MYH2: variants seen among roughly 807,000 people sequenced by gnomAD.
The protein encoded by MYH2 is myosin-2.
A neutral mutation model predicts 228.1 loss-of-function variants in MYH2; 139 were observed. That is an observed-to-expected ratio of 0.61 (90% CI 0.53 to 0.70). MYH2 has a LOEUF of 0.70. Among genes scored for constraint, MYH2 ranks in the 30% least tolerant of loss-of-function variants. The probability of loss-of-function intolerance (pLI) is 0.00; values close to 1 mark genes in which losing one functional copy is unlikely to be tolerated. For missense variants in MYH2, 1,809 were observed against 2,357.5 expected (o/e 0.77, Z 4.82); for synonymous variants, 796 against 871.1 (o/e 0.91, Z 1.52).
At chr17:10,549,533 ACGTG>A (rs1408690877) in intron 1 of MYH2, 99 bp downstream of exon 1, 1 of 152,258 alleles carries the variant, frequency 6.6e-6, no homozygotes, top group African/African-American at 2.4e-5. Flanking sequence ...TAGAGGTAAA[ACGTG>A]CAGTTCCAGA....
intron 17 of MYH2, 94 bp from the exon 18 acceptor site, chr17:10,535,459 G>T (rs2073472655): frequency 4.7e-6 from 5 of 1,065,592 alleles, no homozygotes; most frequent in African/African-American, 1.6e-5. Context: ...TAGCTGAGTT[G>T]AATGACCAGT....
At chr17:10,544,166 A>C (rs746452548) in intron 5 of MYH2, 39 bp from the exon 6 acceptor site, 6 of 1,602,832 alleles carry the variant, frequency 3.7e-6, no homozygotes, top group Non-Finnish European at 5.1e-6. Context: ...CTGTTTTCTT[A>C]CATATTTGTA....
chr17:10,521,462 T>C (rs764156271), intron 39 of MYH2, 30 bp from the exon 40 acceptor site: 2 of 1,610,738 alleles, frequency 1.2e-6, no homozygotes, highest in South Asian at 2.2e-5. Flanking sequence ...TGTAAGGAAC[T>C]CATACTTGCA....
At position 10,529,645 on chromosome 17, in the gene MYH2, G is replaced by C. The variant is rs775297978; in HGVS notation, c.3036C>G (p.Thr1012=). The C allele has an allele frequency of 1.9e-6, 3 of 1,613,950 alleles. No homozygotes were observed. The highest frequency in any genetic ancestry group is 3.3e-4 in the Middle Eastern group (2 of 6,062). The part of the protein sequence containing the change: ...KKALQEAHQQ[T]LDDLQAEEDK... ...CCTCCTCTGCCTGCAGGTCATCCAGGGTCTGCTGGTGGGCCTCCTGGAGAG... is the reference window on the plus strand; with the variant it reads ...CCTCCTCTGCCTGCAGGTCATCCAGCGTCTGCTGGTGGGCCTCCTGGAGAG... The change falls in exon 24 of 40, where the codon ACC becomes ACG. Residue 1012 remains threonine (T), a synonymous_variant. Transcript: ENST00000245503.
At chr17:10,523,737 G>A (rs1270446360) in intron 36 of MYH2, 22 bp downstream of exon 36, 18 of 1,614,182 alleles carry the variant, frequency 1.1e-5, no homozygotes, top group Non-Finnish European at 1.5e-5. Context: ...TAAATCAGTG[G>A]ACAAGTGTGC....
Position 10,543,952 on chromosome 17 carries a change from C to T in MYH2, c.598G>A (p.Ala200Thr). 1 of 1,614,216 alleles carries T rather than the reference C, an allele frequency of 6.2e-7. No individual in the cohort carries two copies. The highest frequency in any genetic ancestry group is 1.1e-5 in the South Asian group (1 of 91,084). Residue 200 changes from alanine (A) to threonine (T), a missense_variant, in exon 7 of 40, where the codon GCA becomes ACA. This residue lies in a region of MYH2 where 373 missense variants were observed against 620.4 expected (regional missense o/e 0.60). Coordinates refer to ENST00000245503, the MANE Select transcript of MYH2 (RefSeq NM_017534.6). ...KRVIQYFATI[A>T]VTGEKKKEEI... ...TCCTTCTTCTTCTCACCAGTAACTG[C>T]AATTGTTGCAAAGTACTGGATGACA...
At position 10,523,348 on chromosome 17, in the gene MYH2, A is replaced by G; in HGVS notation, c.5537T>C (p.Leu1846Pro). Residue 1846 changes from leucine to proline, a missense_variant, in exon 38 of 40, where the codon CTG becomes CCG. Coordinates refer to ENST00000245503, the MANE Select transcript of MYH2 (RefSeq NM_017534.6). ...CTTCACTCGCCTCTCATGTTTGCGC[A>G]GACCTTTGACAGCCTCAGCATTACG... Reference protein sequence around the residue: ...QKRNAEAVKGLRKHERRVKEL... With the variant: ...QKRNAEAVKGPRKHERRVKEL... The G allele has an allele frequency of 6.2e-7, 1 of 1,614,216 alleles. No individual in the cohort carries two copies.
chr17:10,526,153 C>A (rs1389781984), intron 30 of MYH2, among the ~76,000 whole-genome samples: 1 of 152,136 alleles, frequency 6.6e-6, no homozygotes, highest in African/African-American at 2.4e-5. Context: ...CTTACAGATA[C>A]AAGTGCAATG....
At position 10,536,586 on chromosome 17, in the gene MYH2, T is replaced by G; in HGVS notation, c.1918A>C (p.Lys640Gln). The stretch of plus-strand genomic sequence containing the variant: ...GAGCCCTTCTTCTTACCACCTTTCT[T>G]GGCCCCTCCACCAGCTCCCTCTGAA... ...AEGEGAGGGA[K>Q]KGGKKKGSSF... The change falls in exon 17 of 40, where the codon AAG becomes CAG. Residue 640 changes from lysine (K) to glutamine (Q), a missense_variant. Physicochemically the swap from Lys to Gln is moderately conservative, Grantham distance 53. Coordinates refer to ENST00000245503, the MANE Select transcript of MYH2 (RefSeq NM_017534.6). 17 of 1,613,962 alleles carry G rather than the reference T, an allele frequency of 1.1e-5. No homozygotes were observed. Among genetic ancestry groups the G allele is most frequent in the Non-Finnish European group, 1.4e-5 (16 of 1,179,914 alleles).
chr17:10,542,808 T>C (rs2073573930), intron 10 of MYH2, 67 bp downstream of exon 10: 1 of 1,011,434 alleles, frequency 9.9e-7, no homozygotes, highest in East Asian at 2.6e-5. Flanking sequence ...CATAGAATAC[T>C]AGGTTGGACT....
chr17:10,531,641 C>T lies in MYH2; in HGVS notation c.2689G>A (p.Val897Ile). The change falls in exon 22 of 40, where the codon GTT becomes ATT. Residue 897 changes from valine (V) to isoleucine (I), a missense_variant. This residue lies in a region of MYH2 where 276 missense variants were observed against 344.2 expected (regional missense o/e 0.80). Transcript: ENST00000245503. ...LKEKNDLQLQ[V>I]QAEAEGLADA... ...GTGATATTCCAACTCACAGCCTGAA[C>T]TTGGAGCTGCAAGTCATTTTTTTCT... is the stretch of plus-strand genomic sequence containing the variant. 1.9e-6 allele frequency: 3 copies of T among 1,614,182 alleles called. No homozygotes were observed. The highest frequency in any genetic ancestry group is 2.5e-6 in the Non-Finnish European group (3 of 1,180,020).
At chr17:10,540,486 G>T (rs186957368) in intron 11 of MYH2, 108 bp downstream of exon 11, 86 of 972,134 alleles carry the variant, frequency 8.8e-5, no homozygotes, top group African/African-American at 8.5e-4. Context: ...ATGTCCATTT[G>T]CATCCTGGAA....
intron 35 of MYH2, 105 bp from the exon 36 acceptor site, chr17:10,523,989 GC>G: frequency 9.1e-7 from 1 of 1,102,838 alleles, no homozygotes; most frequent in South Asian, 1.5e-5. Context: ...GTCAAAAAAT[GC>G]CTTTTAATAT....
Position 10,542,898 on chromosome 17 carries a change from G to A in MYH2, c.881C>T (p.Ser294Leu), listed in dbSNP as rs2073575109. 5.0e-6 allele frequency: 8 copies of A among 1,608,346 alleles called. No individual in the cohort carries two copies. The highest frequency in any genetic ancestry group is 2.7e-5 in the African/African-American group (2 of 74,768). The change falls in exon 10 of 40, where the codon TCG (serine) becomes TTG (leucine). Residue 294 changes from serine (S) to leucine (L), a missense_variant. This residue lies in a region of MYH2 where 373 missense variants were observed against 620.4 expected (regional missense o/e 0.60). Transcript: ENST00000245503. ...RSYHIFYQIT[S>L]NKKPELIEML... ...ACCAATAAGTTCTGGTTTCTTATTC[G>A]ATGTAATCTGGTAAAAAATATGATA...
In MYH2 at chr17:10,546,255, T is replaced by TTATATATA. The variant is rs1376514619; in HGVS notation, c.349-754_349-753insTATATATA. ...AGTTATAAGGAAACAGGACACGAAA[T>TTATATATA]GATATATATATATATATATATATAT... On this transcript the variant is annotated intron_variant, in intron 4 of 39. Coordinates refer to ENST00000245503, the MANE Select transcript of MYH2 (RefSeq NM_017534.6). 7.6e-3 allele frequency among the ~76,000 whole-genome samples: 205 copies of TTATATATA among 27,140 alleles called. 4 individuals carry two copies. Among genetic ancestry groups the TTATATATA allele is most frequent in the South Asian group, 0.013 (7 of 520 alleles). The allele number at this position is 27,140 out of a possible 152,430, so 17.8% of individuals were successfully genotyped here. A position where few individuals can be genotyped will look rare whatever the true frequency, so the allele number is the denominator to read the frequency against.
chr17:10,537,703 C>T lies in MYH2; in HGVS notation c.1549G>A (p.Gly517Arg), dbSNP rs780765622. 1.2e-5 allele frequency: 19 copies of T among 1,614,042 alleles called. No individual in the cohort carries two copies. The highest frequency in any genetic ancestry group is 2.7e-5 in the African/African-American group (2 of 74,924). Reference protein sequence around the residue: ...EGIEWTFIDFGMDLAACIELI... With the variant: ...EGIEWTFIDFRMDLAACIELI... The stretch of plus-strand genomic sequence containing the variant: ...TCGATGCAGGCAGCCAGGTCCATCC[C>T]GAAGTCGATGAACGTCCACTCGATG... Residue 517 changes from glycine to arginine, a missense_variant, in exon 15 of 40, where the codon GGG becomes AGG. By Grantham distance (125) the Gly-to-Arg change is moderately radical. Coordinates refer to ENST00000245503, the MANE Select transcript of MYH2 (RefSeq NM_017534.6). This position sits in a 1 kb window ranked among gnomAD's most constrained non-coding sequence, Gnocchi z 4.0.
At chr17:10,523,054 G>C in intron 39 of MYH2, 36 bp downstream of exon 39, 1 of 1,426,312 alleles carries the variant, frequency 7.0e-7, no homozygotes, top group African/African-American at 1.4e-5. Context: ...TTATTTATTA[G>C]CTTAATTTGA....
rs917067958 is a variant in MYH2 at position 10,530,791 on chromosome 17, A to G, written c.2698-717T>C. Among the ~76,000 whole-genome samples the G allele has an allele frequency of 3.3e-5, 5 of 152,262 alleles. No homozygotes were observed. In the South Asian group the frequency reaches 1.0e-3, roughly 32 times the overall value. ...GTGGTTTAGTACAGATTCTGCATAA[A>G]TCTCTGGGGACAACAGAAGAGAATA... On this transcript the variant is annotated intron_variant, in intron 22 of 39. Coordinates refer to ENST00000245503, the MANE Select transcript of MYH2 (RefSeq NM_017534.6).
intron 30 of MYH2, 39 bp downstream of exon 30, chr17:10,526,560 C>T: frequency 6.2e-7 from 1 of 1,613,034 alleles, no homozygotes; most frequent in Admixed American, 1.7e-5. Context: ...ATTCAATATG[C>T]AAAGTTTTCT....
Sources: gnomAD v4.1 joint callset for allele counts (sites outside exome capture counted in the v4.1 genomes callset) on GRCh38, gnomAD v4.1.1 for gene constraint, gnomAD v4.1.1 regional missense constraint, Gnocchi (gnomAD v3.1) non-coding constraint, MANE v1.5 for transcripts, NCBI Gene and HGNC (gene_info 2026-07-23, HGNC 2026-07-21) for gene names.